The following BCL2 variants were observed in gnomAD, a reference collection of about 807,000 sequenced individuals.
BCL2 encodes apoptosis regulator Bcl-2.
In BCL2, 1 loss-of-function variant was observed where a neutral mutation model predicts 14.2. That is an observed-to-expected ratio of 0.07 (90% CI 0.02 to 0.33). The LOEUF (loss-of-function observed/expected upper bound fraction) is 0.33, where lower values mean the gene tolerates loss of function less well. BCL2 is among the 10% of genes least tolerant of loss of function. BCL2 has a pLI of 0.99. For synonymous variants in BCL2, 151 were observed against 137.2 expected (o/e 1.10, Z -0.70); for missense variants, 247 against 305.9 (o/e 0.81, Z 1.44).
intron 2 of BCL2, among the ~76,000 whole-genome samples, chr18:63,187,715 G>A (rs535238339): frequency 2.6e-5 from 4 of 152,314 alleles, no homozygotes; most frequent in African/African-American, 7.2e-5. Flanking sequence ...TATTGTTGTT[G>A]TTACCTCTAC....
At chr18:63,199,547 CCA>C (rs1366749143) in intron 2 of BCL2, among the ~76,000 whole-genome samples, 3 of 149,956 alleles carry the variant, frequency 2.0e-5, no homozygotes, top group African/African-American at 7.4e-5. Flanking sequence ...ATGCACAGAC[CCA>C]CACACACAGA....
chr18:63,317,633 G>T (rs1032544940), intron 2 of BCL2: 2 of 1,011,002 alleles, frequency 2.0e-6, no homozygotes, highest in African/African-American at 3.4e-5. Context: ...AGTGTACAAC[G>T]GGCTTGTTTC....
chr18:63,274,366 T>C (rs1912091106), intron 2 of BCL2, among the ~76,000 whole-genome samples: 1 of 134,540 alleles, frequency 7.4e-6, no homozygotes, highest in Admixed American at 8.9e-5. Flanking sequence ...CACTGCAACC[T>C]CCTCCTCTTG....
intron 2 of BCL2, among the ~76,000 whole-genome samples, chr18:63,226,639 A>AT (rs905445583): frequency 6.6e-5 from 10 of 151,938 alleles, no homozygotes; most frequent in South Asian, 2.1e-4. Context: ...GTATGATTGG[A>AT]TTTTTTTTGC....
chr18:63,252,043 A>C (rs1185493549), intron 2 of BCL2, among the ~76,000 whole-genome samples: 1 of 152,154 alleles, frequency 6.6e-6, no homozygotes, highest in African/African-American at 2.4e-5. Flanking sequence ...TTTTTATTCA[A>C]TCTTAAGTAC....
At chr18:63,191,623 G>C (rs1452049998) in intron 2 of BCL2, among the ~76,000 whole-genome samples, 1 of 152,212 alleles carries the variant, frequency 6.6e-6, no homozygotes, top group Non-Finnish European at 1.5e-5. Flanking sequence ...ACTCATTGTA[G>C]GCATCCATGC....
At chr18:63,274,140 T>C (rs1912082090) in intron 2 of BCL2, among the ~76,000 whole-genome samples, 1 of 152,166 alleles carries the variant, frequency 6.6e-6, no homozygotes, top group African/African-American at 2.4e-5. Context: ...TTTCTCTCTA[T>C]CCTCTGAGTT....
At chr18:63,264,372 A>G (rs1456229170) in intron 2 of BCL2, among the ~76,000 whole-genome samples, 1 of 152,126 alleles carries the variant, frequency 6.6e-6, no homozygotes, top group East Asian at 1.9e-4. Context: ...ACTAGCACTC[A>G]AGCATTATTT....
chr18:63,198,718 C>CAGACAG (rs1909551124), intron 2 of BCL2, among the ~76,000 whole-genome samples: 2 of 126,674 alleles, frequency 1.6e-5, no homozygotes, highest in African/African-American at 6.4e-5. Context: ...GAGACACACA[C>CAGACAG]ACACAGACAC....
chr18:63,287,773 T>A (rs1912517806), intron 2 of BCL2, among the ~76,000 whole-genome samples: 1 of 152,146 alleles, frequency 6.6e-6, no homozygotes, highest in Non-Finnish European at 1.5e-5. Context: ...AAAATAATTT[T>A]AAAAACCTAA....
At position 63,182,346 on chromosome 18, in the gene BCL2, C is replaced by T. The variant is rs115151328; in HGVS notation, c.586-53587G>A. 9.0e-3 allele frequency among the ~76,000 whole-genome samples: 1,366 copies of T among 152,278 alleles called. 21 individuals are homozygous for T. Among genetic ancestry groups the T allele is most frequent in the African/African-American group, 0.03 (1,267 of 41,546 alleles). Reference sequence around the variant, plus strand: ...TGAAGAGGGTCTGGCCACCAGCCCACGGTTTGAAACAGAGCCCTGTGAAGA... The same window carrying T: ...TGAAGAGGGTCTGGCCACCAGCCCATGGTTTGAAACAGAGCCCTGTGAAGA... On this transcript the variant is annotated intron_variant, in intron 2 of 2. Coordinates refer to ENST00000333681, the MANE Select transcript of BCL2 (RefSeq NM_000633.3).
At chr18:63,156,618 G>A (rs577082538) in intron 2 of BCL2, among the ~76,000 whole-genome samples, 11 of 152,182 alleles carry the variant, frequency 7.2e-5, no homozygotes, top group East Asian at 3.9e-4. Flanking sequence ...CCACCCTGGC[G>A]TCCACCTCCC....
intron 2 of BCL2, among the ~76,000 whole-genome samples, chr18:63,235,419 A>C (rs1275641891): frequency 6.6e-6 from 1 of 152,220 alleles, no homozygotes; most frequent in Non-Finnish European, 1.5e-5. Context: ...CATGTCCTCC[A>C]TCTGATAACT....
Position 63,207,171 on chromosome 18 carries a change from C to G in BCL2, c.586-78412G>C, listed in dbSNP as rs138835022. Reference sequence around the variant, plus strand: ...GTGGAGGAGAGAACTGGAGAAGAGGCACGGAGACCGCCAAGCGTTCCAGGT... The same window carrying G: ...GTGGAGGAGAGAACTGGAGAAGAGGGACGGAGACCGCCAAGCGTTCCAGGT... On this transcript the variant is annotated intron_variant, in intron 2 of 2. Transcript: ENST00000333681. 4.7e-3 allele frequency among the ~76,000 whole-genome samples: 713 copies of G among 152,278 alleles called. 6 individuals are homozygous for G. The highest frequency in any genetic ancestry group is 0.016 in the African/African-American group (681 of 41,550).
chr18:63,225,126 A>C (rs1262410972), intron 2 of BCL2, among the ~76,000 whole-genome samples: 1 of 152,186 alleles, frequency 6.6e-6, no homozygotes, highest in Non-Finnish European at 1.5e-5. Flanking sequence ...AGATAGAGGA[A>C]AAGTCTGTAC....
intron 2 of BCL2, among the ~76,000 whole-genome samples, chr18:63,229,096 C>T (rs765179951): frequency 8.5e-5 from 13 of 152,152 alleles, no homozygotes; most frequent in Admixed American, 2.0e-4. Flanking sequence ...TGCCTCATGA[C>T]GCAGTGTCAA....
At chr18:63,236,721 G>A (rs941595217) in intron 2 of BCL2, among the ~76,000 whole-genome samples, 3 of 127,294 alleles carry the variant, frequency 2.4e-5, no homozygotes, top group South Asian at 2.9e-4. Context: ...GGAAGGGGCC[G>A]GAGGAAGTGA....
chr18:63,218,412 T>C (rs1321875969), intron 2 of BCL2, among the ~76,000 whole-genome samples: 2 of 152,094 alleles, frequency 1.3e-5, no homozygotes, highest in East Asian at 3.8e-4. Flanking sequence ...AAAAGCTCCT[T>C]CTTCCCTTTC....
At position 63,187,102 on chromosome 18, in the gene BCL2, A is replaced by G. The variant is rs1165682166; in HGVS notation, c.586-58343T>C. The stretch of plus-strand genomic sequence containing the variant: ...ACAGGAAGTTATCGTTTCATTCTAC[A>G]CAAGTCCCTACAGTTTTCATCTTGC... On this transcript the variant is annotated intron_variant, in intron 2 of 2. Coordinates refer to ENST00000333681, the MANE Select transcript of BCL2 (RefSeq NM_000633.3). 2.0e-5 allele frequency among the ~76,000 whole-genome samples: 3 copies of G among 152,332 alleles called. No individual in the cohort carries two copies. In the East Asian group the frequency reaches 5.8e-4, roughly 29 times the overall value.
Sources: gnomAD v4.1 joint callset for allele counts (sites outside exome capture counted in the v4.1 genomes callset) on GRCh38, gnomAD v4.1.1 for gene constraint, MANE v1.5 for transcripts, NCBI Gene and HGNC (gene_info 2026-07-23, HGNC 2026-07-21) for gene names.